The following GALNT16 variants were observed in gnomAD, a reference collection of about 807,000 sequenced individuals.
GALNT16 encodes polypeptide N-acetylgalactosaminyltransferase 16.
GALNT16 carries 40 observed loss-of-function variants against 76.1 expected under a neutral mutation model. That is an observed-to-expected ratio of 0.53 (90% CI 0.41 to 0.68). GALNT16 has a LOEUF of 0.68. GALNT16 is among the 30% of genes least tolerant of loss of function. GALNT16 has a pLI of 0.00. For synonymous variants in GALNT16, 276 were observed against 285.2 expected, an observed-to-expected ratio of 0.97 and a Z score of 0.32; for missense variants, 621 against 731.9, an observed-to-expected ratio of 0.85 and a Z score of 1.75.
At chr14:69,338,805 C>T (rs760019763) in intron 10 of GALNT16, 28 bp downstream of exon 10, 1 of 1,585,102 alleles carries the variant, frequency 6.3e-7, no homozygotes, top group South Asian at 1.1e-5. Context: ...GAGCACGGGA[C>T]TCAGAGGAGG....
intron 3 of GALNT16, 140 bp downstream of exon 3, chr14:69,324,930 A>T: frequency 1.7e-6 from 1 of 583,962 alleles, no homozygotes; most frequent in Non-Finnish European, 3.0e-6. Flanking sequence ...AGACTGGTGA[A>T]TCAGGGCCAG....
downstream of GALNT16, chr14:69,356,101 AG>A (rs1386141666): frequency 2.0e-5 from 3 of 152,300 alleles, no homozygotes; most frequent in Non-Finnish European, 4.4e-5. Flanking sequence ...GTGCTCCTCC[AG>A]AAGGAGGGGG....
the GALNT16 span, among the ~76,000 whole-genome samples, chr14:69,371,162 TG>T: frequency 6.6e-6 from 1 of 152,356 alleles, no homozygotes; most frequent in African/African-American, 2.4e-5. Flanking sequence ...TGGACTGCCC[TG>T]GGGTCCTTGG....
In GALNT16 at chr14:69,320,774, G is replaced by A; in HGVS notation, c.241G>A (p.Ala81Thr). The part of the protein sequence containing the change: ...KAYLSAKQLK[A>T]GEDPYRQHAF... Reference sequence around the variant, plus strand: ...CTACCTGTCGGCCAAGCAGCTGAAGGCTGGAGAGGACCCCTACAGACAGCA... The same window carrying A: ...CTACCTGTCGGCCAAGCAGCTGAAGACTGGAGAGGACCCCTACAGACAGCA... The change falls in exon 2 of 15, where the codon GCT (alanine) becomes ACT (threonine). Residue 81 changes from alanine to threonine, a missense_variant. By Grantham distance (58) the Ala-to-Thr change is moderately conservative (BLOSUM62 0). Coordinates refer to ENST00000448469, the MANE Select transcript of GALNT16 (RefSeq NM_001168368.2). The A allele has an allele frequency of 6.2e-7, 1 of 1,614,204 alleles. No homozygotes were observed. Among genetic ancestry groups the A allele is most frequent in the Non-Finnish European group, 8.5e-7 (1 of 1,180,016 alleles).
At chr14:69,279,525 G>A (rs2044513171) in intron 1 of GALNT16, among the ~76,000 whole-genome samples, 1 of 152,172 alleles carries the variant, frequency 6.6e-6, no homozygotes, top group African/African-American at 2.4e-5. Flanking sequence ...GTTTTCTTGT[G>A]TGCAACGAGC....
At chr14:69,315,197 G>A (rs144617643) in intron 1 of GALNT16, among the ~76,000 whole-genome samples, 211 of 152,280 alleles carry the variant, frequency 1.4e-3, no homozygotes, top group African/African-American at 5.0e-3. Flanking sequence ...GAAGTTTCAA[G>A]GTCTAATCGA....
At chr14:69,329,665 G>A (rs1483472866) in intron 6 of GALNT16, among the ~76,000 whole-genome samples, 2 of 152,108 alleles carry the variant, frequency 1.3e-5, no homozygotes, top group Non-Finnish European at 2.9e-5. Context: ...GTACAAGCAT[G>A]GCACTGGCAT....
At chr14:69,369,257 T>C in the GALNT16 span, among the ~76,000 whole-genome samples, 1 of 152,180 alleles carries the variant, frequency 6.6e-6, no homozygotes, top group Admixed American at 6.5e-5. Context: ...CTTATTCCAT[T>C]ATATCCCCAG....
Position 69,352,856 on chromosome 14 carries a change from C to G in GALNT16, c.*688C>G, listed in dbSNP as rs1007563090. 2.0e-5 allele frequency among the ~76,000 whole-genome samples: 3 copies of G among 152,230 alleles called. No homozygotes were observed. The highest frequency in any genetic ancestry group is 7.2e-5 in the African/African-American group (3 of 41,456). On this transcript the variant is annotated 3_prime_UTR_variant, in exon 15 of 15. Transcript: ENST00000448469. Reference sequence around the variant, plus strand: ...CTTACCCAGGACACAGTCCCTTCCACACTTTACCAGCCCCAGGGTCTGAGC... The same window carrying G: ...CTTACCCAGGACACAGTCCCTTCCAGACTTTACCAGCCCCAGGGTCTGAGC...
At chr14:69,265,581 C>T (rs1389551431) in intron 1 of GALNT16, among the ~76,000 whole-genome samples, 1 of 152,212 alleles carries the variant, frequency 6.6e-6, no homozygotes, top group Non-Finnish European at 1.5e-5. Flanking sequence ...GCCAAGCCTT[C>T]ATTACAGTTA....
At chr14:69,316,415 G>T (rs2045101210) in intron 1 of GALNT16, among the ~76,000 whole-genome samples, 1 of 152,178 alleles carries the variant, frequency 6.6e-6, no homozygotes, top group African/African-American at 2.4e-5. Context: ...ATAATCTTGT[G>T]GGGAGAGGTA....
intron 14 of GALNT16, chr14:69,350,370 T>A (rs530396894): frequency 6.6e-6 from 1 of 152,372 alleles, no homozygotes; most frequent in Admixed American, 6.5e-5. Flanking sequence ...GAAGGCTAGA[T>A]GCTGAGGTAG....
intron 1 of GALNT16, among the ~76,000 whole-genome samples, chr14:69,298,042 A>C (rs1594831446): frequency 6.6e-6 from 1 of 152,214 alleles, no homozygotes; most frequent in East Asian, 1.9e-4. Flanking sequence ...CAACTGAAAA[A>C]ACTAAGGTTT....
rs193121539 is a variant in GALNT16, at chr14:69,317,817, A to C, written c.178-2894A>C. On this transcript the variant is annotated intron_variant, in intron 1 of 14. Coordinates refer to ENST00000448469, the MANE Select transcript of GALNT16 (RefSeq NM_001168368.2). Reference sequence around the variant, plus strand: ...GGGACATTCAAAGACCTGAAGTCTCAAGATCAAAGAATGGGGCTAAAGGCA... The same window carrying C: ...GGGACATTCAAAGACCTGAAGTCTCCAGATCAAAGAATGGGGCTAAAGGCA... Among the ~76,000 whole-genome samples, 122 of 152,342 alleles carry C rather than the reference A, an allele frequency of 8.0e-4. 1 individual carries two copies. Among genetic ancestry groups the C allele is most frequent in the Non-Finnish European group, 1.6e-3 (109 of 68,024 alleles).
chr14:69,318,351 AG>A (rs2045131399), intron 1 of GALNT16, among the ~76,000 whole-genome samples: 1 of 152,202 alleles, frequency 6.6e-6, no homozygotes, highest in Non-Finnish European at 1.5e-5. Flanking sequence ...CTTCCCCAAC[AG>A]TCTCCATGGC....
the GALNT16 span, among the ~76,000 whole-genome samples, chr14:69,373,756 CTT>C: frequency 6.7e-6 from 1 of 149,164 alleles, no homozygotes; most frequent in Admixed American, 6.7e-5. Flanking sequence ...TTGTTCTTTT[CTT>C]TCTCTCTCTC....
the GALNT16 span, among the ~76,000 whole-genome samples, chr14:69,370,643 T>G: frequency 6.6e-6 from 1 of 151,750 alleles, no homozygotes; most frequent in East Asian, 1.9e-4. Context: ...TAATCTTGTT[T>G]CATCTACACC....
intron 1 of GALNT16, among the ~76,000 whole-genome samples, chr14:69,318,703 C>T (rs1323917688): frequency 6.6e-6 from 1 of 152,192 alleles, no homozygotes; most frequent in Non-Finnish European, 1.5e-5. Flanking sequence ...CACAGCTGAC[C>T]TGGAGGATAA....
the GALNT16 span, among the ~76,000 whole-genome samples, chr14:69,383,757 T>C: frequency 6.6e-6 from 1 of 152,244 alleles, no homozygotes; most frequent in Non-Finnish European, 1.5e-5. Context: ...ATTATCTAGG[T>C]AATAATTAAA....
Sources: gnomAD v4.1 joint callset for allele counts (sites outside exome capture counted in the v4.1 genomes callset) on GRCh38, gnomAD v4.1.1 for gene constraint, MANE v1.5 for transcripts, NCBI Gene and HGNC (gene_info 2026-07-23, HGNC 2026-07-21) for gene names.